Variants in ARRDC3 observed in about 807,000 individuals in gnomAD.
ARRDC3 encodes arrestin domain-containing protein 3.
A neutral mutation model predicts 47.2 loss-of-function variants in ARRDC3; 10 were observed. That is an observed-to-expected ratio of 0.21 (90% confidence interval 0.13 to 0.36). ARRDC3 has a LOEUF of 0.36. Ranked by LOEUF, ARRDC3 falls within the 10% of genes least tolerant of loss-of-function variation. The pLI, the probability that ARRDC3 is intolerant of heterozygous loss-of-function variation, is 1.00. For synonymous variants in ARRDC3, 156 were observed against 178.3 expected (o/e 0.87, Z 1.00); for missense variants, 381 against 503.6 (o/e 0.76, Z 2.33).
In ARRDC3 at chr5:91,369,256, G is replaced by C. The variant is rs534004496; in HGVS notation, c.*2144C>G. 1.2e-4 allele frequency: 18 copies of C among 152,442 alleles called. No homozygotes were observed. The highest frequency in any genetic ancestry group is 2.5e-4 in the Non-Finnish European group (17 of 68,016). 9.4% of individuals were successfully genotyped at this position (152,442 alleles called of 1,614,324 possible). ...ACAATTGTTCCCTAGTCAGTTAGAC[G>C]TAAGAGAGAAAAGGGATTTTCTGAC... On this transcript the variant is annotated 3_prime_UTR_variant, in exon 8 of 8. Coordinates refer to ENST00000265138, the MANE Select transcript of ARRDC3 (RefSeq NM_020801.4).
In ARRDC3 at chr5:91,382,881, T is replaced by C. The variant is rs1582379872; in HGVS notation, c.212A>G (p.Tyr71Cys). The C allele has an allele frequency of 1.9e-6, 3 of 1,614,144 alleles. No individual in the cohort carries two copies. Among genetic ancestry groups the C allele is most frequent in the Non-Finnish European group, 1.7e-6 (2 of 1,179,994 alleles). Residue 71 changes from tyrosine to cysteine, a missense_variant, in exon 1 of 8, where the codon TAT becomes TGT. Tyr to Cys is a radical substitution (Grantham distance 194). Coordinates refer to ENST00000265138, the MANE Select transcript of ARRDC3 (RefSeq NM_020801.4). ...TACTTCTTCAGTGTAATTCTGTGTA[T>C]AGGCAGTATTGGAGCCGGCGTTTCT... ...ESRNAGSNTA[Y>C]TQNYTEEVEY...
intron 1 of ARRDC3, chr5:91,380,098 G>C (rs1799409986): frequency 6.6e-6 from 1 of 152,166 alleles, no homozygotes; most frequent in South Asian, 2.1e-4. Flanking sequence ...TCATTGAAGC[G>C]AGCGGCGGCG....
chr5:91,382,726 G>A (rs1799479411), intron 1 of ARRDC3, 87 bp downstream of exon 1: 1 of 1,366,406 alleles, frequency 7.3e-7, no homozygotes, highest in Admixed American at 2.1e-5. Flanking sequence ...AGTTATGCTA[G>A]GAGTAGAATC....
Position 91,373,696 on chromosome 5 carries a change from A to G in ARRDC3, c.1176T>C (p.Pro392=), listed in dbSNP as rs928074400. ...AGTAGGTACTTACCTCTGAATAAAGAGGTGGAGGCAAGAATCGAAACTCCT... is the reference window on the plus strand; with the variant it reads ...AGTAGGTACTTACCTCTGAATAAAGGGGTGGAGGCAAGAATCGAAACTCCT... ...YIQEFRFLPP[P]LYSEIDPNPD... is the part of the protein sequence containing the mutation. The change falls in exon 7 of 8, where the codon CCT becomes CCC. Residue 392 remains proline (P), a synonymous_variant. Transcript: ENST00000265138. 5 of 1,613,662 alleles carry G rather than the reference A, an allele frequency of 3.1e-6. No individual in the cohort carries two copies. Among genetic ancestry groups the G allele is most frequent in the African/African-American group, 1.3e-5 (1 of 74,916 alleles).
intron 4 of ARRDC3, 77 bp downstream of exon 4, chr5:91,375,432 ATT>A: frequency 1.0e-6 from 1 of 1,002,070 alleles, no homozygotes. Context: ...TTATGTTTAT[ATT>A]TAGTAGTCAT....
rs1323974354 is a variant in ARRDC3, at chr5:91,369,982, TCATTAGAAAAA to T, written c.*1407_*1417del. ...CTTTAGGTAATGAAAAACAGTATTC[TCATTAGAAAAA>T]CACAAAAATCCAAAAGATTTATCGC... On this transcript the variant is annotated 3_prime_UTR_variant, in exon 8 of 8. Coordinates refer to ENST00000265138, the MANE Select transcript of ARRDC3 (RefSeq NM_020801.4). 6.6e-6 allele frequency: 1 copy of T among 152,216 alleles called. No individual in the cohort carries two copies. Among genetic ancestry groups the T allele is most frequent in the Non-Finnish European group, 1.5e-5 (1 of 68,036 alleles). The allele number at this position is 152,216 out of a possible 1,614,324, so 9.4% of individuals were successfully genotyped here. A position where few individuals can be genotyped will look rare whatever the true frequency, so the allele number is the denominator to read the frequency against.
At chr5:91,374,885 A>T (rs1561291210) in intron 5 of ARRDC3, 37 bp downstream of exon 5, 1 of 1,599,282 alleles carries the variant, frequency 6.3e-7, no homozygotes, top group East Asian at 2.2e-5. Flanking sequence ...TCAAAAAAGA[A>T]AAAAGAAAGG....
In ARRDC3 at chr5:91,383,013, C is replaced by A. The variant is rs777796508; in HGVS notation, c.80G>T (p.Gly27Val). Residue 27 changes from glycine (G) to valine (V), a missense_variant, in exon 1 of 8, where the codon GGG (glycine) becomes GTG (valine). Physicochemically the swap from Gly to Val is moderately radical, Grantham distance 109 (BLOSUM62 -3). Coordinates refer to ENST00000265138, the MANE Select transcript of ARRDC3 (RefSeq NM_020801.4). ...NDSNVPVYSS[G>V]DTVSGRVNLE... ...ATTTACCCTTCCTGAGACGGTATCC[C>A]CACTAGAATACACAGGGACATTGCT... The A allele has an allele frequency of 6.2e-7, 1 of 1,613,908 alleles. No homozygotes were observed. Among genetic ancestry groups the A allele is most frequent in the South Asian group, 1.1e-5 (1 of 91,078 alleles).
chr5:91,374,976 T>C lies in ARRDC3; in HGVS notation c.816A>G (p.Pro272=), dbSNP rs1234498800. The change falls in exon 5 of 8, where the codon CCA becomes CCG. Residue 272 remains proline, a synonymous_variant. Transcript: ENST00000265138. ...TWNGKLLKIP[P]VSPSILDCSI... ...TACAGTCGAGGATAGAGGGAGAAAC[T>C]GGTGGAATTTTCAGCAACTTGCCAT... 5 of 1,614,078 alleles carry C rather than the reference T, an allele frequency of 3.1e-6. No homozygotes were observed. Among genetic ancestry groups the C allele is most frequent in the Non-Finnish European group, 4.2e-6 (5 of 1,180,020 alleles).
Position 91,375,157 on chromosome 5 carries a change from G to A in ARRDC3, c.635C>T (p.Ala212Val). 6.2e-7 allele frequency: 1 copy of A among 1,613,280 alleles called. No homozygotes were observed. The highest frequency in any genetic ancestry group is 8.5e-7 in the Non-Finnish European group (1 of 1,179,894). Residue 212 changes from alanine to valine, a missense_variant, in exon 5 of 8, where the codon GCT becomes GTT. By Grantham distance (64) the Ala-to-Val change is moderately conservative (BLOSUM62 0). Coordinates refer to ENST00000265138, the MANE Select transcript of ARRDC3 (RefSeq NM_020801.4). ...TCGGGAAGAGCAGTTCTCAATCTCA[G>A]CAAATATCTGAATTGATTCACCTAG... The part of the protein sequence containing the change: ...YTPGESIQIF[A>V]EIENCSSRMV...
In ARRDC3 at chr5:91,375,596, T is replaced by C. The variant is rs1799282270; in HGVS notation, c.528A>G (p.Thr176=). Residue 176 remains threonine (T), a synonymous_variant, in exon 4 of 8, where the codon ACA becomes ACG. Coordinates refer to ENST00000265138, the MANE Select transcript of ARRDC3 (RefSeq NM_020801.4). The part of the protein sequence containing the change: ...TPSLLSPQAG[T]KEKTLCCWFC... ...ACCAGCAACAGAGTGTCTTTTCTTT[T>C]GTGCCTGCTTGGGGTGACTGTAAGA... 1.9e-6 allele frequency: 3 copies of C among 1,609,474 alleles called. No individual in the cohort carries two copies. The highest frequency in any genetic ancestry group is 1.1e-5 in the South Asian group (1 of 90,422).
At chr5:91,381,869 C>T (rs1188125259) in intron 1 of ARRDC3, among the ~76,000 whole-genome samples, 1 of 152,206 alleles carries the variant, frequency 6.6e-6, no homozygotes, top group Non-Finnish European at 1.5e-5. Context: ...CACCACCCCC[C>T]AGAACTGGTC....
chr5:91,377,769 T>C (rs1198318320), intron 2 of ARRDC3, among the ~76,000 whole-genome samples: 2 of 152,012 alleles, frequency 1.3e-5, no homozygotes, highest in African/African-American at 4.8e-5. Context: ...TTAATATTTT[T>C]CTCAGAAATT....
intron 7 of ARRDC3, 43 bp downstream of exon 7, chr5:91,373,641 C>G (rs778796513): frequency 1.9e-6 from 3 of 1,548,190 alleles, no homozygotes; most frequent in South Asian, 1.2e-5. Context: ...TGCTATTTCC[C>G]AAGATAGCCA....
chr5:91,376,561 G>T, intron 3 of ARRDC3, 60 bp downstream of exon 3: 5 of 1,416,848 alleles, frequency 3.5e-6, no homozygotes, highest in South Asian at 1.3e-5. Context: ...TTAGGTGATT[G>T]ATTATTCTTT....
rs1365810304 is a variant in ARRDC3, at chr5:91,376,742, C to T, written c.389G>A (p.Arg130Gln). The change falls in exon 3 of 8, where the codon CGA (arginine) becomes CAA (glutamine). Residue 130 changes from arginine (R) to glutamine (Q), a missense_variant. By Grantham distance (43) the Arg-to-Gln change is conservative (BLOSUM62 1). Coordinates refer to ENST00000265138, the MANE Select transcript of ARRDC3 (RefSeq NM_020801.4). ...CACCCAATAGCGCACACTGCCATGT[C>T]GGCCTTCGAATGAGGTAGCGAGTGG... ...QTPLATSFEG[R>Q]HGSVRYWVKA... 14 of 1,613,572 alleles carry T rather than the reference C, an allele frequency of 8.7e-6. No homozygotes were observed. The highest frequency in any genetic ancestry group is 4.5e-5 in the East Asian group (2 of 44,840).
At chr5:91,378,224 A>T (rs1799351047) in intron 2 of ARRDC3, among the ~76,000 whole-genome samples, 1 of 152,092 alleles carries the variant, frequency 6.6e-6, no homozygotes, top group Admixed American at 6.5e-5. Context: ...GAAGAAAAAC[A>T]TTTCTAAAGT....
At chr5:91,381,688 T>G (rs1230249910) in intron 1 of ARRDC3, among the ~76,000 whole-genome samples, 1 of 152,224 alleles carries the variant, frequency 6.6e-6, no homozygotes, top group Non-Finnish European at 1.5e-5. Context: ...GTCTCTAATT[T>G]TTTTTCTGAA....
In ARRDC3 at chr5:91,371,471, G is replaced by GA; in HGVS notation, c.1189-16dup. 6.2e-7 allele frequency: 1 copy of GA among 1,605,754 alleles called. No homozygotes were observed. The highest frequency in any genetic ancestry group is 1.1e-5 in the South Asian group (1 of 90,232). The stretch of plus-strand genomic sequence containing the variant: ...TTTGGATCAATCTAGAAAGAAATGA[G>GA]AAAAAAAGTTTACAGAGTTATTTCA... On this transcript the variant is annotated splice_polypyrimidine_tract_variant and intron_variant, in intron 7 of 7. Transcript: ENST00000265138.
Sources: gnomAD v4.1 joint callset for allele counts (sites outside exome capture counted in the v4.1 genomes callset) on GRCh38, gnomAD v4.1.1 for gene constraint, MANE v1.5 for transcripts, NCBI Gene and HGNC (gene_info 2026-07-23, HGNC 2026-07-21) for gene names.